METTL6: variants seen among roughly 807,000 people sequenced by gnomAD.
The protein encoded by METTL6 is tRNA N(3)-cytidine methyltransferase METTL6.
METTL6 carries 22 observed loss-of-function variants against 26.4 expected under a neutral mutation model. The ratio of observed to expected loss-of-function variants is 0.83; its 90% CI spans 0.59 to 1.19. METTL6 has a LOEUF of 1.19. Ranked by LOEUF, METTL6 falls within the 50% of genes most tolerant of loss-of-function variation. The pLI, the probability that METTL6 is intolerant of heterozygous loss-of-function variation, is 0.00. For missense variants in METTL6, 304 were observed against 324.8 expected, an observed-to-expected ratio of 0.94 and a Z score of 0.49; for synonymous variants, 109 against 116.2, an observed-to-expected ratio of 0.94 and a Z score of 0.40.
rs1700087320 is a variant in METTL6, at chr3:15,414,126, A to G, written c.568T>C (p.Tyr190His). 1 of 1,613,562 alleles carries G rather than the reference A, an allele frequency of 6.2e-7. No individual in the cohort carries two copies. ...AGCATGGCATGATCATACAGTCCGT[A>G]GTCACGAAACAAGACACTTTTGCCT... Reference protein sequence around the residue: ...KPGKSVLFRDYGLYDHAMLRF... With the variant: ...KPGKSVLFRDHGLYDHAMLRF... The change falls in exon 5 of 6, where the codon TAC becomes CAC. Residue 190 changes from tyrosine (Y) to histidine (H), a missense_variant. Transcript: ENST00000383790.
rs540053665 is a variant in METTL6, at chr3:15,415,645, C to T, written c.531+127G>A. On this transcript the variant is annotated intron_variant, in intron 4 of 5. Coordinates refer to ENST00000383790, the MANE Select transcript of METTL6 (RefSeq NM_152396.4). Reference sequence around the variant, plus strand: ...CAGAGGACCCCTTTCTATACACTCACTACACAGCCTACCTAGTGAGAATGG... The same window carrying T: ...CAGAGGACCCCTTTCTATACACTCATTACACAGCCTACCTAGTGAGAATGG... The T allele has an allele frequency of 3.7e-5, 60 of 1,604,276 alleles. No homozygotes were observed. The African/African-American group carries it at 6.8e-4, about 18-fold the overall frequency.
At chr3:15,384,814 T>C (rs1212182689) in intron 6 of METTL6, among the ~76,000 whole-genome samples, 1 of 152,204 alleles carries the variant, frequency 6.6e-6, no homozygotes, top group Non-Finnish European at 1.5e-5. Flanking sequence ...CATTCTCTTG[T>C]CAATCCCCAA....
At chr3:15,422,090 C>T (rs553550569) in intron 3 of METTL6, among the ~76,000 whole-genome samples, 1 of 152,014 alleles carries the variant, frequency 6.6e-6, no homozygotes, top group East Asian at 1.9e-4. Flanking sequence ...CTCTGGGAGG[C>T]AGAGATGGGA....
In METTL6 at chr3:15,411,409, T is replaced by C; in HGVS notation, c.702A>G (p.Thr234=). Residue 234 remains threonine (T), a synonymous_variant, in exon 6 of 6, where the codon ACA becomes ACG. Transcript: ENST00000383790. ...DDFLAQLFMD[T]GYEEVVNEYV... ...ACTCGTTTACCACTTCTTCATAACCTGTGTCCATAAAGAGCTGAGCCAGGA... is the reference window on the plus strand; with the variant it reads ...ACTCGTTTACCACTTCTTCATAACCCGTGTCCATAAAGAGCTGAGCCAGGA... 1.2e-6 allele frequency: 2 copies of C among 1,614,030 alleles called. No individual in the cohort carries two copies. Among genetic ancestry groups the C allele is most frequent in the Non-Finnish European group, 1.7e-6 (2 of 1,179,972 alleles).
chr3:15,408,562 C>CTTTTTTTTT (rs57787117), downstream of METTL6, among the ~76,000 whole-genome samples: 1 of 116,224 alleles, frequency 8.6e-6, no homozygotes, highest in African/African-American at 3.3e-5. Context: ...GCTCCTTGCT[C>CTTTTTTTTT]TTTTTTTTTT....
At position 15,426,387 on chromosome 3, in the gene METTL6, T is replaced by C. The variant is rs2125052813; in HGVS notation, c.125A>G (p.Gln42Arg). Residue 42 changes from glutamine to arginine, a missense_variant, in exon 2 of 6, where the codon CAG (glutamine) becomes CGG (arginine). Gln to Arg is a conservative substitution (Grantham distance 43, BLOSUM62 1). Transcript: ENST00000383790. ...TTTGTAAAAAAGATCCCAATTTTTC[T>C]GAGCCTCTTGTTCCAATTTCTGCTG... ...FKQQKLEQEAQKNWDLFYKRN... is the reference protein window; with the variant it reads ...FKQQKLEQEARKNWDLFYKRN... 2 of 1,614,276 alleles carry C rather than the reference T, an allele frequency of 1.2e-6. No individual in the cohort carries two copies. Among genetic ancestry groups the C allele is most frequent in the South Asian group, 2.2e-5 (2 of 91,090 alleles).
chr3:15,409,679 C>T (rs1340522769), downstream of METTL6, among the ~76,000 whole-genome samples: 1 of 152,096 alleles, frequency 6.6e-6, no homozygotes, highest in Non-Finnish European at 1.5e-5. Flanking sequence ...GCCATTCCCT[C>T]TCTCCCCCCC....
At chr3:15,406,016 T>C (rs1699773366), downstream of METTL6, among the ~76,000 whole-genome samples, 1 of 152,022 alleles carries the variant, frequency 6.6e-6, no homozygotes, top group African/African-American at 2.4e-5. Flanking sequence ...TATGTGTATA[T>C]ATATATACAC....
At chr3:15,413,986 TAA>T in intron 5 of METTL6, 33 bp downstream of exon 5, 1 of 1,613,406 alleles carries the variant, frequency 6.2e-7, no homozygotes, top group Non-Finnish European at 8.5e-7. Flanking sequence ...AAACAAAGAA[TAA>T]AACATTTAAA....
intron 6 of METTL6, among the ~76,000 whole-genome samples, chr3:15,401,242 T>C (rs1206093086): frequency 2.0e-5 from 3 of 152,022 alleles, no homozygotes; most frequent in East Asian, 1.9e-4. Flanking sequence ...GGTTTTACCA[T>C]GTTAGCCAGG....
At chr3:15,387,391 A>G (rs1433587005) in intron 6 of METTL6, among the ~76,000 whole-genome samples, 1 of 152,152 alleles carries the variant, frequency 6.6e-6, no homozygotes, top group Non-Finnish European at 1.5e-5. Flanking sequence ...TGTGACCTGT[A>G]TCTTGTGCCA....
chr3:15,414,262 G>C (rs150643813), intron 4 of METTL6, 100 bp from the exon 5 acceptor site: 1 of 1,501,322 alleles, frequency 6.7e-7, no homozygotes, highest in African/African-American at 1.4e-5. Context: ...AGTTACTAAG[G>C]GGACAGACTG....
chr3:15,391,177 C>G (rs1317169126), intron 6 of METTL6, among the ~76,000 whole-genome samples: 2 of 152,208 alleles, frequency 1.3e-5, no homozygotes, highest in African/African-American at 4.8e-5. Context: ...ATCCCCAATG[C>G]TCAGCTGCTG....
downstream of METTL6, among the ~76,000 whole-genome samples, chr3:15,407,869 G>A (rs1408814705): frequency 6.6e-6 from 1 of 152,148 alleles, no homozygotes; most frequent in Non-Finnish European, 1.5e-5. Context: ...AGAGGGAAAG[G>A]TTCCTTAGAT....
rs762134828 is a variant in METTL6, at chr3:15,415,985, A to G, written c.361-43T>C. The G allele has an allele frequency of 5.9e-6, 9 of 1,534,928 alleles. No individual in the cohort carries two copies. The South Asian group carries it at 9.8e-5, about 17-fold the overall frequency. On this transcript the variant is annotated intron_variant, in intron 3 of 5. Transcript: ENST00000383790. The stretch of plus-strand genomic sequence containing the variant: ...ACAAATGAATTTTAATGCAACCACT[A>G]GGCTGATACATATAGAAAAATACAA...
chr3:15,412,483 T>G (rs571395634), intron 5 of METTL6, among the ~76,000 whole-genome samples: 23 of 152,184 alleles, frequency 1.5e-4, no homozygotes, highest in African/African-American at 5.3e-4. Context: ...CATTTTGTTT[T>G]GTTTTGTTTT....
At chr3:15,401,581 G>A (rs1460289899) in intron 6 of METTL6, among the ~76,000 whole-genome samples, 4 of 148,414 alleles carry the variant, frequency 2.7e-5, no homozygotes, top group Non-Finnish European at 6.0e-5. Flanking sequence ...AAAAGAAACA[G>A]GTCACAAAGT....
chr3:15,410,234 C>G lies in METTL6; in HGVS notation c.*1022G>C, dbSNP rs1045202733. On this transcript the variant is annotated 3_prime_UTR_variant, in exon 6 of 6. Transcript: ENST00000383790. ...ATGTTTCAAGACCCCCAGTGGTTGC[C>G]TGAAACCAAGATGGTACCAAACTCT... Among the ~76,000 whole-genome samples, 1 of 151,968 alleles carries G rather than the reference C, an allele frequency of 6.6e-6. No individual in the cohort carries two copies. Among genetic ancestry groups the G allele is most frequent in the Non-Finnish European group, 1.5e-5 (1 of 68,002 alleles).
At chr3:15,394,299 T>C (rs905977045) in intron 6 of METTL6, among the ~76,000 whole-genome samples, 1 of 152,226 alleles carries the variant, frequency 6.6e-6, no homozygotes, top group African/African-American at 2.4e-5. Context: ...GTGTTTATAG[T>C]ATTCTCTGAT....
Sources: allele counts gnomAD v4.1 joint callset (sites outside exome capture counted in the v4.1 genomes callset), GRCh38; gene constraint gnomAD v4.1.1; transcripts MANE v1.5; gene names NCBI Gene and HGNC (gene_info 2026-07-23, HGNC 2026-07-21).